The following SLC16A7 variants were observed in gnomAD, a reference collection of about 807,000 sequenced individuals.
The protein encoded by SLC16A7 is monocarboxylate transporter 2.
In SLC16A7, 33 loss-of-function variants were observed where a neutral mutation model predicts 34.9. That is an observed-to-expected ratio of 0.94 (90% CI 0.72 to 1.26). The LOEUF is 1.26. Ranked by LOEUF, SLC16A7 falls within the 50% of genes most tolerant of loss-of-function variation. The pLI is 0.00. For synonymous variants in SLC16A7, 201 were observed against 206.6 expected (o/e 0.97, Z 0.23); for missense variants, 573 against 578.1 (o/e 0.99, Z 0.09).
chr12:59,670,647 A>G lies in SLC16A7; in HGVS notation c.-31+15397A>G, dbSNP rs199770481. 5.9e-5 allele frequency among the ~76,000 whole-genome samples: 9 copies of G among 152,330 alleles called. No homozygotes were observed. In the East Asian group the frequency reaches 1.7e-3, roughly 29 times the overall value. ...TTCCCAAGATACAATGGTGGGATGG[A>G]TAGGGAATAGACATACTCATTCCAA... On this transcript the variant is annotated intron_variant, in intron 2 of 5. Coordinates refer to ENST00000547379, the MANE Select transcript of SLC16A7 (RefSeq NM_001270623.2).
At chr12:59,631,686 T>TC (rs1880189591) in intron 1 of SLC16A7, among the ~76,000 whole-genome samples, 1 of 151,958 alleles carries the variant, frequency 6.6e-6, no homozygotes, top group African/African-American at 2.4e-5. Flanking sequence ...TGATGTTCTT[T>TC]CCCACCCTGG....
At chr12:59,722,097 A>G (rs1196238953) in intron 3 of SLC16A7, among the ~76,000 whole-genome samples, 1 of 151,668 alleles carries the variant, frequency 6.6e-6, no homozygotes, top group Non-Finnish European at 1.5e-5. Flanking sequence ...CTATATATAA[A>G]CCCTCTTTTC....
At chr12:59,687,673 C>T (rs1871264176) in intron 2 of SLC16A7, among the ~76,000 whole-genome samples, 1 of 152,120 alleles carries the variant, frequency 6.6e-6, no homozygotes, top group East Asian at 1.9e-4. Flanking sequence ...CACTATGGGT[C>T]AGCTGTGGCT....
chr12:59,748,851 C>T (rs530496539), intron 3 of SLC16A7, among the ~76,000 whole-genome samples: 1 of 152,192 alleles, frequency 6.6e-6, no homozygotes, highest in South Asian at 2.1e-4. Context: ...TGAGAACAAG[C>T]AAATGACAAC....
chr12:59,610,126 C>T (rs1478542079), intron 1 of SLC16A7, among the ~76,000 whole-genome samples: 2 of 152,126 alleles, frequency 1.3e-5, no homozygotes, highest in East Asian at 1.9e-4. Context: ...GTGGAATCCT[C>T]CCTCTTTGCA....
At chr12:59,643,177 T>A (rs1880759693) in intron 1 of SLC16A7, among the ~76,000 whole-genome samples, 1 of 152,140 alleles carries the variant, frequency 6.6e-6, no homozygotes, top group Non-Finnish European at 1.5e-5. Context: ...CCAATGTAAT[T>A]ATTCACATTT....
At chr12:59,631,693 C>G (rs1013280327) in intron 1 of SLC16A7, among the ~76,000 whole-genome samples, 1 of 152,084 alleles carries the variant, frequency 6.6e-6, no homozygotes, top group South Asian at 2.1e-4. Flanking sequence ...CTTTCCCACC[C>G]TGGCCCCAGT....
In SLC16A7 at chr12:59,727,133, T is replaced by C. The variant is rs74529991; in HGVS notation, c.217+22115T>C. ...TATTACAATTCTGTCAGCAAGATCA[T>C]TAAAAATATGAGATGGACATATATA... On this transcript the variant is annotated intron_variant, in intron 3 of 5. Transcript: ENST00000547379. Among the ~76,000 whole-genome samples, 75 of 143,054 alleles carry C rather than the reference T, an allele frequency of 5.2e-4. 1 individual carries two copies. In the East Asian group the frequency reaches 0.015, roughly 28 times the overall value. 93.8% of individuals were successfully genotyped at this position (143,054 alleles called of 152,430 possible). A position where few individuals can be genotyped will look rare whatever the true frequency, so the allele number is the denominator to read the frequency against.
intron 2 of SLC16A7, among the ~76,000 whole-genome samples, chr12:59,666,373 C>T (rs904329606): frequency 2.0e-5 from 3 of 152,286 alleles, no homozygotes; most frequent in African/African-American, 7.2e-5. Flanking sequence ...GTTCAGTTTA[C>T]ATAATCCCAT....
At chr12:59,615,629 A>G (rs1044990814) in intron 1 of SLC16A7, among the ~76,000 whole-genome samples, 1 of 152,182 alleles carries the variant, frequency 6.6e-6, no homozygotes, top group African/African-American at 2.4e-5. Flanking sequence ...CATCAATAAT[A>G]ATACCAGCAA....
intron 3 of SLC16A7, among the ~76,000 whole-genome samples, chr12:59,726,115 C>T (rs922004953): frequency 3.3e-5 from 5 of 152,052 alleles, no homozygotes; most frequent in African/African-American, 7.2e-5. Flanking sequence ...CCTCCAACCA[C>T]GTTTAAAGCT....
chr12:59,717,927 G>A (rs947232594), intron 3 of SLC16A7, among the ~76,000 whole-genome samples: 1 of 151,634 alleles, frequency 6.6e-6, no homozygotes, highest in African/African-American at 2.4e-5. Context: ...ACACAGAAAT[G>A]CCTTTTGAAA....
chr12:59,670,988 T>C (rs1335555951), intron 2 of SLC16A7, among the ~76,000 whole-genome samples: 2 of 152,166 alleles, frequency 1.3e-5, no homozygotes, highest in African/African-American at 4.8e-5. Flanking sequence ...TGTTTCTTTC[T>C]ATGCATTTCT....
chr12:59,646,640 G>C (rs1037013440), intron 1 of SLC16A7, among the ~76,000 whole-genome samples: 2 of 152,126 alleles, frequency 1.3e-5, no homozygotes, highest in Non-Finnish European at 2.9e-5. Flanking sequence ...GCCTAGTGAA[G>C]TTGTAAGAAG....
At chr12:59,758,380 A>C (rs1364744109) in intron 3 of SLC16A7, among the ~76,000 whole-genome samples, 1 of 152,108 alleles carries the variant, frequency 6.6e-6, no homozygotes, top group Non-Finnish European at 1.5e-5. Flanking sequence ...CTTCCTCTAC[A>C]AAGGAAGATG....
chr12:59,718,359 T>C (rs1613477), intron 3 of SLC16A7, among the ~76,000 whole-genome samples: 18,733 of 152,106 alleles, frequency 0.12, 1,514 homozygotes, highest in African/African-American at 0.22. Context: ...TTACTAAATA[T>C]CTAAACAATT....
chr12:59,735,683 TA>T (rs1286635351), intron 3 of SLC16A7, among the ~76,000 whole-genome samples: 1 of 152,200 alleles, frequency 6.6e-6, no homozygotes, highest in African/African-American at 2.4e-5. Context: ...GGGGTATTTT[TA>T]AATGAAAAAC....
chr12:59,647,291 A>G (rs1425991200), intron 1 of SLC16A7, among the ~76,000 whole-genome samples: 1 of 152,142 alleles, frequency 6.6e-6, no homozygotes, highest in Non-Finnish European at 1.5e-5. Context: ...TAATGTAATC[A>G]TGGAGGCTCT....
chr12:59,697,577 G>T (rs1297661038), intron 2 of SLC16A7, among the ~76,000 whole-genome samples: 1 of 151,774 alleles, frequency 6.6e-6, no homozygotes, highest in African/African-American at 2.4e-5. Context: ...CTGTAGTCAA[G>T]ATATATTTAG....
Sources: gnomAD v4.1 joint callset for allele counts (sites outside exome capture counted in the v4.1 genomes callset) on GRCh38, gnomAD v4.1.1 for gene constraint, MANE v1.5 for transcripts, NCBI Gene and HGNC (gene_info 2026-07-23, HGNC 2026-07-21) for gene names.